MAGI2: variants seen among roughly 807,000 people sequenced by gnomAD.
MAGI2 encodes membrane associated guanylate kinase, WW and PDZ domain containing 2, also known as membrane-associated guanylate kinase, WW and PDZ domain-containing protein 2.
In MAGI2, 35 loss-of-function variants were observed where a neutral mutation model predicts 133.3. The observed-to-expected ratio is 0.26, with a 90% CI of 0.20 to 0.35. The LOEUF (loss-of-function observed/expected upper bound fraction) is 0.35, where lower values mean the gene tolerates loss of function less well. Ranked by LOEUF, MAGI2 falls within the 10% of genes least tolerant of loss-of-function variation. The pLI, the probability that MAGI2 is intolerant of heterozygous loss-of-function variation, is 1.00. For synonymous variants in MAGI2, 729 were observed against 710.6 expected (o/e 1.03, Z -0.41); for missense variants, 1,636 against 1,863.4 (o/e 0.88, Z 2.25).
At chr7:78,920,247 G>A (rs1799125499) in intron 2 of MAGI2, among the ~76,000 whole-genome samples, 1 of 152,044 alleles carries the variant, frequency 6.6e-6, no homozygotes, top group South Asian at 2.1e-4. Flanking sequence ...GTCCCTTTGG[G>A]CAAATTATTT....
intron 20 of MAGI2, among the ~76,000 whole-genome samples, chr7:78,096,998 C>G (rs1446671150): frequency 2.6e-5 from 4 of 152,094 alleles, no homozygotes; most frequent in South Asian, 2.1e-4. Context: ...AAAAAGTGGG[C>G]AAAGGACAAG....
chr7:79,162,327 C>A (rs1366483435), intron 1 of MAGI2, among the ~76,000 whole-genome samples: 2 of 151,970 alleles, frequency 1.3e-5, no homozygotes, highest in Admixed American at 6.6e-5. Flanking sequence ...TTCTGAAGAC[C>A]AGAGATAGGA....
chr7:78,725,686 C>A (rs1820707417), intron 2 of MAGI2, among the ~76,000 whole-genome samples: 1 of 152,192 alleles, frequency 6.6e-6, no homozygotes, highest in Non-Finnish European at 1.5e-5. Context: ...GTAGTCCCAG[C>A]TACTTGGGAG....
intron 21 of MAGI2, among the ~76,000 whole-genome samples, chr7:78,025,088 G>A (rs1388119233): frequency 2.6e-5 from 4 of 152,172 alleles, no homozygotes; most frequent in African/African-American, 7.2e-5. Context: ...TCTGGCCCCT[G>A]CCAGCCTCCC....
intron 2 of MAGI2, among the ~76,000 whole-genome samples, chr7:78,733,742 C>T (rs764794992): frequency 6.6e-6 from 1 of 152,026 alleles, no homozygotes; most frequent in Non-Finnish European, 1.5e-5. Context: ...TAATGTCAAG[C>T]CATCAGTAAG....
intron 20 of MAGI2, among the ~76,000 whole-genome samples, chr7:78,115,493 GT>G (rs1819773961): frequency 6.6e-6 from 1 of 152,094 alleles, no homozygotes; most frequent in African/African-American, 2.4e-5. Context: ...ACACAGAACG[GT>G]TAAAAGCAAA....
At chr7:78,773,838 G>T (rs1229560427) in intron 2 of MAGI2, among the ~76,000 whole-genome samples, 1 of 152,138 alleles carries the variant, frequency 6.6e-6, no homozygotes, top group Non-Finnish European at 1.5e-5. Context: ...AGATGTAATG[G>T]CAAGTTATTT....
intron 9 of MAGI2, among the ~76,000 whole-genome samples, chr7:78,270,797 A>G (rs575667400): frequency 6.6e-6 from 1 of 152,104 alleles, no homozygotes; most frequent in Non-Finnish European, 1.5e-5. Context: ...GACCTAATAG[A>G]CATCTACAGA....
intron 2 of MAGI2, among the ~76,000 whole-genome samples, chr7:78,787,396 C>A (rs888595054): frequency 6.6e-6 from 1 of 152,084 alleles, no homozygotes; most frequent in Non-Finnish European, 1.5e-5. Context: ...TTGGGAGTAT[C>A]TCATTAAGTT....
At chr7:78,286,474 T>C (rs572869063) in intron 9 of MAGI2, among the ~76,000 whole-genome samples, 53 of 152,274 alleles carry the variant, frequency 3.5e-4, no homozygotes, top group African/African-American at 1.2e-3. Flanking sequence ...GAAGAATTGA[T>C]ACGTGACCTT....
At chr7:79,436,636 C>G (rs1848165731) in intron 1 of MAGI2, among the ~76,000 whole-genome samples, 1 of 152,134 alleles carries the variant, frequency 6.6e-6, no homozygotes, top group Non-Finnish European at 1.5e-5. Context: ...GCAAATAAAA[C>G]CACAATGATA....
intron 6 of MAGI2, among the ~76,000 whole-genome samples, chr7:78,464,342 A>G (rs960513517): frequency 6.6e-6 from 1 of 152,024 alleles, no homozygotes; most frequent in East Asian, 1.9e-4. Flanking sequence ...CCAGTGGACA[A>G]TTTTTAGTTC....
At chr7:78,876,727 C>A (rs902373239) in intron 2 of MAGI2, among the ~76,000 whole-genome samples, 1 of 152,214 alleles carries the variant, frequency 6.6e-6, no homozygotes, top group African/African-American at 2.4e-5. Flanking sequence ...ACATTCAATG[C>A]TGTTTGTTAT....
intron 1 of MAGI2, among the ~76,000 whole-genome samples, chr7:79,403,008 T>C (rs759443011): frequency 1.3e-5 from 2 of 152,186 alleles, no homozygotes; most frequent in African/African-American, 4.8e-5. Flanking sequence ...ACCTATTTTA[T>C]TGGGTATGAA....
chr7:79,155,250 T>C (rs967759112), intron 1 of MAGI2, among the ~76,000 whole-genome samples: 11 of 152,218 alleles, frequency 7.2e-5, no homozygotes, highest in Non-Finnish European at 1.3e-4. Context: ...TTTAAAGTCA[T>C]GAATAATCAA....
At chr7:78,101,599 C>T (rs910077413) in intron 20 of MAGI2, among the ~76,000 whole-genome samples, 1 of 152,030 alleles carries the variant, frequency 6.6e-6, no homozygotes, top group Admixed American at 6.6e-5. Context: ...TTTAAAACTC[C>T]TAGAAGAAAA....
intron 9 of MAGI2, among the ~76,000 whole-genome samples, chr7:78,269,923 A>T (rs1329587613): frequency 6.6e-6 from 1 of 152,178 alleles, no homozygotes; most frequent in Non-Finnish European, 1.5e-5. Context: ...TCTTTAATCC[A>T]TCTTGAATTA....
rs548193836 is a variant in MAGI2, at chr7:78,352,426, A to C, written c.1104-6383T>G. Among the ~76,000 whole-genome samples the C allele has an allele frequency of 3.5e-3, 533 of 152,332 alleles. 1 individual carries two copies. The highest frequency in any genetic ancestry group is 5.8e-3 in the Non-Finnish European group (396 of 68,012). ...TCTATTTTACTTGGAGCATTTTTTA[A>C]AAACAGAATAATTGAATCCTGCCTC... On this transcript the variant is annotated intron_variant, in intron 7 of 21. Transcript: ENST00000354212.
intron 2 of MAGI2, among the ~76,000 whole-genome samples, chr7:78,828,052 T>G (rs1790820987): frequency 6.6e-6 from 1 of 152,112 alleles, no homozygotes; most frequent in Non-Finnish European, 1.5e-5. Context: ...GCCCGGCTAA[T>G]TTTTGTATTT....
Sources: gnomAD v4.1 joint callset for allele counts (sites outside exome capture counted in the v4.1 genomes callset) on GRCh38, gnomAD v4.1.1 for gene constraint, MANE v1.5 for transcripts, NCBI Gene and HGNC (gene_info 2026-07-23, HGNC 2026-07-21) for gene names.